The following VSIG10 variants were observed in gnomAD, a reference collection of about 807,000 sequenced individuals.
The protein encoded by VSIG10 is V-set and immunoglobulin domain-containing protein 10.
VSIG10 carries 48 observed loss-of-function variants against 58.7 expected under a neutral mutation model. The ratio of observed to expected loss-of-function variants is 0.82; its 90% confidence interval spans 0.65 to 1.04. The LOEUF is 1.04. VSIG10 is among the 50% of genes least tolerant of loss of function. The pLI is 0.00. For synonymous variants in VSIG10, 260 were observed against 267.1 expected, an observed-to-expected ratio of 0.97 and a Z score of 0.26; for missense variants, 628 against 670.0, an observed-to-expected ratio of 0.94 and a Z score of 0.69.
intron 5 of VSIG10, among the ~76,000 whole-genome samples, chr12:118,073,077 G>GC (rs2032564706): frequency 6.6e-6 from 1 of 152,092 alleles, no homozygotes; most frequent in African/African-American, 2.4e-5. Flanking sequence ...CCAGATTCAA[G>GC]CAATTCTGCC....
intron 2 of VSIG10, among the ~76,000 whole-genome samples, chr12:118,083,667 C>T (rs977826814): frequency 1.3e-5 from 2 of 152,134 alleles, no homozygotes; most frequent in East Asian, 3.9e-4. Flanking sequence ...AAGCGTATTC[C>T]ACCATACCCA....
chr12:118,087,234 G>A (rs375377523), intron 2 of VSIG10, among the ~76,000 whole-genome samples: 1 of 152,222 alleles, frequency 6.6e-6, no homozygotes, highest in East Asian at 1.9e-4. Context: ...GCATACTCTT[G>A]TTGTGGGATG....
At chr12:118,094,890 C>A (rs1286639431) in intron 2 of VSIG10, among the ~76,000 whole-genome samples, 3 of 151,036 alleles carry the variant, frequency 2.0e-5, no homozygotes, top group East Asian at 3.9e-4. Flanking sequence ...GCGTGCGCCA[C>A]CATGCCTGGC....
intron 4 of VSIG10, among the ~76,000 whole-genome samples, chr12:118,074,704 C>T (rs538910789): frequency 3.9e-5 from 6 of 152,210 alleles, no homozygotes; most frequent in East Asian, 1.9e-4. Context: ...GTCTCAAACT[C>T]CTGACCTCAG....
chr12:118,095,475 C>T (rs1392781159), intron 2 of VSIG10, 58 bp downstream of exon 2: 17 of 1,596,126 alleles, frequency 1.1e-5, no homozygotes, highest in Non-Finnish European at 1.4e-5. Flanking sequence ...ACCATGGTCT[C>T]CTCCTTTCCA....
Position 118,068,531 on chromosome 12 carries a change from C to T in VSIG10, c.1413G>A (p.Glu471=), listed in dbSNP as rs1049926410. 2.0e-6 allele frequency: 3 copies of T among 1,473,384 alleles called. No individual in the cohort carries two copies. Among genetic ancestry groups the T allele is most frequent in the South Asian group, 1.2e-5 (1 of 83,906 alleles). The allele number at this position is 1,473,384 out of a possible 1,614,324, so 91.3% of individuals were successfully genotyped here. A position where few individuals can be genotyped will look rare whatever the true frequency, so the allele number is the denominator to read the frequency against. Residue 471 remains glutamate (E), a synonymous_variant, in exon 8 of 9, where the codon GAG becomes GAA. Coordinates refer to ENST00000359236, the MANE Select transcript of VSIG10 (RefSeq NM_019086.6). ...CCCCTACTGCAGCATCTTCCTCCTC[C>T]TCCTCCTCCTCCTCCTCTTCCTCTT... The part of the protein sequence containing the change: ...DSEEEEEEEE[E]EEEDAAVGEQ...
chr12:118,069,425 CTTTTTTT>C (rs34116504), intron 7 of VSIG10, among the ~76,000 whole-genome samples: 20 of 105,080 alleles, frequency 1.9e-4, no homozygotes, highest in Admixed American at 7.8e-4. Flanking sequence ...TCTTCTTCTT[CTTTTTTT>C]TTTTTTTTTT....
intron 2 of VSIG10, among the ~76,000 whole-genome samples, chr12:118,085,177 C>T (rs1349354812): frequency 1.3e-5 from 2 of 152,176 alleles, no homozygotes; most frequent in African/African-American, 4.8e-5. Flanking sequence ...GAAGACATAG[C>T]GACACCACCA....
intron 2 of VSIG10, among the ~76,000 whole-genome samples, chr12:118,092,526 G>A (rs986772371): frequency 1.3e-5 from 2 of 152,100 alleles, no homozygotes; most frequent in Admixed American, 6.6e-5. Flanking sequence ...CTCTGCCATA[G>A]TTAGTAACAA....
intron 2 of VSIG10, among the ~76,000 whole-genome samples, chr12:118,092,060 CTTTTTA>C (rs1266565457): frequency 1.3e-5 from 2 of 151,124 alleles, no homozygotes; most frequent in African/African-American, 2.4e-5. Flanking sequence ...CCAGCCTATT[CTTTTTA>C]TTTTTATTTT....
chr12:118,095,589 G>T lies in VSIG10; in HGVS notation c.305C>A (p.Thr102Asn). Reference protein sequence around the residue: ...SLSLGDEGIYTCQEILNVTQW... With the variant: ...SLSLGDEGIYNCQEILNVTQW... ...AGTCACATTCAGGATCTCCTGGCAG[G>T]TGTAGATTCCCTCATCTCCCAGGCT... The change falls in exon 2 of 9, where the codon ACC becomes AAC. Residue 102 changes from threonine (T) to asparagine (N), a missense_variant. By Grantham distance (65) the Thr-to-Asn change is moderately conservative. Coordinates refer to ENST00000359236, the MANE Select transcript of VSIG10 (RefSeq NM_019086.6). 1 of 1,613,934 alleles carries T rather than the reference G, an allele frequency of 6.2e-7. No individual in the cohort carries two copies. The highest frequency in any genetic ancestry group is 8.5e-7 in the Non-Finnish European group (1 of 1,179,884).
At chr12:118,082,016 T>A (rs2032967447) in intron 3 of VSIG10, 111 bp downstream of exon 3, 1 of 956,284 alleles carries the variant, frequency 1.0e-6, no homozygotes, top group Non-Finnish European at 1.4e-6. Context: ...AAACTCCATC[T>A]TAAAAAAAAA....
rs2032198927 is a variant in VSIG10, at chr12:118,064,944, G to GCA, written c.*1693_*1694dup. 6.6e-6 allele frequency: 1 copy of GCA among 152,122 alleles called. No homozygotes were observed. The highest frequency in any genetic ancestry group is 2.4e-5 in the African/African-American group (1 of 41,400). The allele number at this position is 152,122 out of a possible 1,614,324, so 9.4% of individuals were successfully genotyped here. On this transcript the variant is annotated 3_prime_UTR_variant, in exon 9 of 9. Coordinates refer to ENST00000359236, the MANE Select transcript of VSIG10 (RefSeq NM_019086.6). ...AGGTCCTGCCCACTAGAGCAGATAC[G>GCA]CAACATTAAAGAGTGCAAATTCAAG...
chr12:118,067,464 CTTTTT>C (rs34148920), intron 8 of VSIG10, among the ~76,000 whole-genome samples: 1 of 127,804 alleles, frequency 7.8e-6, no homozygotes, highest in Non-Finnish European at 1.6e-5. Flanking sequence ...CTAAACTGGC[CTTTTT>C]TTTTTTTTTT....
intron 4 of VSIG10, among the ~76,000 whole-genome samples, chr12:118,078,437 G>A (rs960645427): frequency 2.0e-5 from 3 of 152,118 alleles, no homozygotes; most frequent in African/African-American, 4.8e-5. Context: ...GAGATTACAG[G>A]TGTGAGCTAC....
chr12:118,074,373 C>T (rs1420839197), intron 4 of VSIG10, among the ~76,000 whole-genome samples: 4 of 152,238 alleles, frequency 2.6e-5, no homozygotes, highest in African/African-American at 9.6e-5. Context: ...CGTGAGCCAC[C>T]GCATCCGGCC....
At chr12:118,093,442 C>T (rs1460691965) in intron 2 of VSIG10, among the ~76,000 whole-genome samples, 2 of 151,860 alleles carry the variant, frequency 1.3e-5, no homozygotes, top group Non-Finnish European at 2.9e-5. Context: ...ACTCTTCGCT[C>T]AAATGATTCT....
chr12:118,089,038 T>C (rs953896394), intron 2 of VSIG10, among the ~76,000 whole-genome samples: 1 of 151,044 alleles, frequency 6.6e-6, no homozygotes, highest in Non-Finnish European at 1.5e-5. Context: ...ACCTCCGCCC[T>C]CCCCGGTTGA....
rs187140023 is a variant in VSIG10 at position 118,084,491 on chromosome 12, A to G, written c.362-2062T>C. On this transcript the variant is annotated intron_variant, in intron 2 of 8. Coordinates refer to ENST00000359236, the MANE Select transcript of VSIG10 (RefSeq NM_019086.6). ...GATATCACCTTTATAGGCAAAATCA[A>G]CAACCGACTTTCTCTTGATCTCCCT... Among the ~76,000 whole-genome samples the G allele has an allele frequency of 3.3e-5, 5 of 152,318 alleles. No homozygotes were observed. In the East Asian group the frequency reaches 7.7e-4, roughly 23 times the overall value.
Sources: gnomAD v4.1 joint callset for allele counts (sites outside exome capture counted in the v4.1 genomes callset) on GRCh38, gnomAD v4.1.1 for gene constraint, MANE v1.5 for transcripts, NCBI Gene and HGNC (gene_info 2026-07-23, HGNC 2026-07-21) for gene names.